The following ANKS1B variants were observed in gnomAD, a reference collection of about 807,000 sequenced individuals.
The protein encoded by ANKS1B is ankyrin repeat and sterile alpha motif domain-containing protein 1B.
A neutral mutation model predicts 148.3 loss-of-function variants in ANKS1B; 36 were observed. That is an observed-to-expected ratio of 0.24 (90% confidence interval 0.19 to 0.32). ANKS1B has a LOEUF of 0.32. Ranked by LOEUF, ANKS1B falls within the 10% of genes least tolerant of loss-of-function variation. The probability of loss-of-function intolerance (pLI) is 1.00; values close to 1 mark genes in which losing one functional copy is unlikely to be tolerated. For missense variants in ANKS1B, 1,157 were observed against 1,542.6 expected (o/e 0.75, Z 4.19); for synonymous variants, 542 against 560.8 (o/e 0.97, Z 0.47).
chr12:99,272,963 A>T (rs2077215281), intron 12 of ANKS1B, among the ~76,000 whole-genome samples: 1 of 152,194 alleles, frequency 6.6e-6, no homozygotes, highest in Non-Finnish European at 1.5e-5. Context: ...TTTGGAGAAT[A>T]ATATTCTCCC....
intron 17 of ANKS1B, among the ~76,000 whole-genome samples, chr12:98,960,680 C>A (rs901968686): frequency 2.6e-5 from 4 of 151,564 alleles, no homozygotes; most frequent in Admixed American, 1.3e-4. Flanking sequence ...GGACCAATCC[C>A]AGAGAGACAG....
chr12:99,523,800 C>A lies in ANKS1B; in HGVS notation c.1273-19159G>T, dbSNP rs184671918. On this transcript the variant is annotated intron_variant, in intron 9 of 26. Transcript: ENST00000683438. Reference sequence around the variant, plus strand: ...ATCTCCTAACCTTGTGATCCACCTGCCTCAGCCTCCCAAAGTGCTGGGACT... The same window carrying A: ...ATCTCCTAACCTTGTGATCCACCTGACTCAGCCTCCCAAAGTGCTGGGACT... 2.8e-3 allele frequency among the ~76,000 whole-genome samples: 425 copies of A among 152,254 alleles called. 2 individuals carry two copies. Among genetic ancestry groups the A allele is most frequent in the African/African-American group, 9.9e-3 (411 of 41,544 alleles).
intron 14 of ANKS1B, among the ~76,000 whole-genome samples, chr12:99,158,897 T>C (rs2076355731): frequency 6.6e-6 from 1 of 152,178 alleles, no homozygotes; most frequent in African/African-American, 2.4e-5. Context: ...CATTTCCAAT[T>C]TCCTCTAAAT....
chr12:99,831,174 T>C (rs2153688852), intron 1 of ANKS1B, among the ~76,000 whole-genome samples: 1 of 137,704 alleles, frequency 7.3e-6, no homozygotes, highest in South Asian at 2.3e-4. Context: ...AAATGAAATA[T>C]AAAAATGTTG....
At chr12:99,948,693 C>T (rs1035643891) in intron 1 of ANKS1B, among the ~76,000 whole-genome samples, 16 of 152,168 alleles carry the variant, frequency 1.1e-4, no homozygotes, top group East Asian at 3.8e-4. Flanking sequence ...TCCCCAACAT[C>T]GCACCTCCTT....
intron 15 of ANKS1B, among the ~76,000 whole-genome samples, chr12:99,095,371 C>T (rs7960874): frequency 0.077 from 11,644 of 152,130 alleles, 1,077 homozygotes; most frequent in African/African-American, 0.21. Context: ...AAAGCTTTTG[C>T]TTTCCTAATG....
chr12:99,091,434 G>A (rs2153646755), intron 15 of ANKS1B, among the ~76,000 whole-genome samples: 1 of 152,216 alleles, frequency 6.6e-6, no homozygotes, highest in South Asian at 2.1e-4. Flanking sequence ...TGTTCATGTA[G>A]GTTTTAGAAT....
chr12:99,634,294 G>A (rs2098207718), intron 9 of ANKS1B, among the ~76,000 whole-genome samples: 1 of 152,022 alleles, frequency 6.6e-6, no homozygotes, highest in South Asian at 2.1e-4. Context: ...TATAAGAAGA[G>A]GAAGAGAGAC....
chr12:99,224,568 T>C (rs1483892774), intron 14 of ANKS1B, among the ~76,000 whole-genome samples: 2 of 152,088 alleles, frequency 1.3e-5, no homozygotes, highest in Non-Finnish European at 2.9e-5. Flanking sequence ...TTGCCTTCCG[T>C]CATGAGTAAA....
At chr12:99,835,994 T>A (rs1394821341) in intron 1 of ANKS1B, among the ~76,000 whole-genome samples, 2 of 152,218 alleles carry the variant, frequency 1.3e-5, no homozygotes, top group African/African-American at 4.8e-5. Flanking sequence ...GGAACCCACA[T>A]ACTATCCCAT....
intron 15 of ANKS1B, among the ~76,000 whole-genome samples, chr12:99,138,185 G>T (rs1402826669): frequency 6.6e-6 from 1 of 152,180 alleles, no homozygotes; most frequent in East Asian, 1.9e-4. Flanking sequence ...TTATTGATGA[G>T]AAGGTTGATG....
chr12:98,923,449 G>T (rs941929626), intron 17 of ANKS1B, among the ~76,000 whole-genome samples: 1 of 152,214 alleles, frequency 6.6e-6, no homozygotes, highest in Non-Finnish European at 1.5e-5. Flanking sequence ...TCTACTTGAT[G>T]TGTGAAGGGA....
At chr12:99,953,532 G>A (rs1366437909) in intron 1 of ANKS1B, among the ~76,000 whole-genome samples, 2 of 151,552 alleles carry the variant, frequency 1.3e-5, no homozygotes, top group Non-Finnish European at 2.9e-5. Context: ...AGTGAGAGGA[G>A]AATTTGAACA....
In ANKS1B at chr12:99,436,778, TA is replaced by T. The variant is rs201576359; in HGVS notation, c.1575+6894del. Reference sequence around the variant, plus strand: ...TTTCAGGTTGAGTAGGTACCTGATCTAAACATGGTCCATTATGAGTAGGTGT... The same window carrying T: ...TTTCAGGTTGAGTAGGTACCTGATCTAACATGGTCCATTATGAGTAGGTGT... On this transcript the variant is annotated intron_variant, in intron 11 of 26. Transcript: ENST00000683438. Among the ~76,000 whole-genome samples the T allele has an allele frequency of 2.9e-3, 438 of 152,168 alleles. 14 individuals carry two copies. The South Asian group carries it at 0.04, about 14-fold the overall frequency.
chr12:99,064,831 T>A (rs1186404844), intron 16 of ANKS1B, among the ~76,000 whole-genome samples: 2 of 152,288 alleles, frequency 1.3e-5, no homozygotes, highest in East Asian at 3.9e-4. Context: ...TTGTTGTACC[T>A]CTCCCTGAAG....
Position 98,922,938 on chromosome 12 carries a change from G to A in ANKS1B, c.2779-90802C>T, listed in dbSNP as rs117991689. On this transcript the variant is annotated intron_variant, in intron 17 of 26. Coordinates refer to ENST00000683438, the MANE Select transcript of ANKS1B (RefSeq NM_001352186.2). The stretch of plus-strand genomic sequence containing the variant: ...CATGCATCACAGTCAATTTCCTGAG[G>A]GTTCTGTTCTTTGGAGTCTGGGGAG... Among the ~76,000 whole-genome samples the A allele has an allele frequency of 2.1e-3, 324 of 152,232 alleles. 2 individuals are homozygous for A. The highest frequency in any genetic ancestry group is 3.6e-3 in the Non-Finnish European group (245 of 68,028).
At chr12:98,817,321 T>A (rs2099149585) in intron 19 of ANKS1B, among the ~76,000 whole-genome samples, 1 of 152,196 alleles carries the variant, frequency 6.6e-6, no homozygotes, top group African/African-American at 2.4e-5. Context: ...ATGAGACCTG[T>A]CAAAGGATGG....
At chr12:98,906,999 G>T (rs1268773489) in intron 17 of ANKS1B, among the ~76,000 whole-genome samples, 1 of 123,276 alleles carries the variant, frequency 8.1e-6, no homozygotes. Flanking sequence ...CCCTCACATA[G>T]TTACTCTGTG....
At chr12:99,715,478 T>C (rs573895155) in intron 8 of ANKS1B, among the ~76,000 whole-genome samples, 53 of 152,052 alleles carry the variant, frequency 3.5e-4, no homozygotes, top group African/African-American at 1.2e-3. Context: ...GCCCCACCCC[T>C]ATCTCCCTTC....
Sources: allele counts gnomAD v4.1 joint callset (sites outside exome capture counted in the v4.1 genomes callset), GRCh38; gene constraint gnomAD v4.1.1; transcripts MANE v1.5; gene names NCBI Gene and HGNC (gene_info 2026-07-23, HGNC 2026-07-21).